The following PCGF6 variants were observed in gnomAD, a reference collection of about 807,000 sequenced individuals.
PCGF6 encodes polycomb group ring finger 6.
Under a neutral mutation model 45.5 loss-of-function variants are expected in PCGF6, and 24 were observed. That is an observed-to-expected ratio of 0.53 (90% confidence interval 0.38 to 0.74). The LOEUF (loss-of-function observed/expected upper bound fraction) is 0.74. Among genes scored for constraint, PCGF6 ranks in the 30% least tolerant of loss-of-function variants. PCGF6 has a pLI of 0.00. For synonymous variants in PCGF6, 152 were observed against 162.1 expected, an observed-to-expected ratio of 0.94 and a Z score of 0.47; for missense variants, 356 against 443.2, an observed-to-expected ratio of 0.80 and a Z score of 1.77.
chr10:103,335,723 T>C (rs1282218346), intron 6 of PCGF6, among the ~76,000 whole-genome samples: 6 of 151,608 alleles, frequency 4.0e-5, no homozygotes, highest in African/African-American at 1.2e-4. Context: ...ATCCCAGCAC[T>C]TTGGGAGGCC....
chr10:103,309,200 G>GT (rs1200189934), intron 9 of PCGF6, among the ~76,000 whole-genome samples: 1 of 152,066 alleles, frequency 6.6e-6, no homozygotes, highest in East Asian at 1.9e-4. Flanking sequence ...ATTTGGTGGG[G>GT]GGGGGGCATG....
intron 8 of PCGF6, among the ~76,000 whole-genome samples, chr10:103,323,787 G>A (rs575037875): frequency 1.1e-4 from 16 of 151,492 alleles, no homozygotes; most frequent in South Asian, 2.1e-4. Flanking sequence ...GTTTCGCCAC[G>A]TTGGCCAGAC....
intron 7 of PCGF6, among the ~76,000 whole-genome samples, chr10:103,327,271 G>A (rs563440020): frequency 1.3e-5 from 2 of 151,942 alleles, no homozygotes; most frequent in African/African-American, 2.4e-5. Context: ...GGCAACAAGA[G>A]CAAAACTCCG....
At chr10:103,314,383 AT>A in intron 8 of PCGF6, 111 bp from the exon 9 acceptor site, 1 of 651,154 alleles carries the variant, frequency 1.5e-6, no homozygotes, top group Non-Finnish European at 2.6e-6. Flanking sequence ...TTGTAATTTT[AT>A]TTTAGACTGA....
intron 8 of PCGF6, among the ~76,000 whole-genome samples, chr10:103,317,356 T>C (rs2093179811): frequency 6.6e-6 from 1 of 152,184 alleles, no homozygotes; most frequent in Non-Finnish European, 1.5e-5. Context: ...TCACTCTTAG[T>C]GGGCTTTATA....
At chr10:103,334,510 C>G (rs1370995155) in intron 6 of PCGF6, among the ~76,000 whole-genome samples, 1 of 152,094 alleles carries the variant, frequency 6.6e-6, no homozygotes, top group Non-Finnish European at 1.5e-5. Flanking sequence ...ATTTAGCATC[C>G]TAACATTTTA....
At chr10:103,332,688 C>T (rs1285018302) in intron 7 of PCGF6, among the ~76,000 whole-genome samples, 3 of 152,140 alleles carry the variant, frequency 2.0e-5, no homozygotes, top group Non-Finnish European at 2.9e-5. Flanking sequence ...TAGCATATAT[C>T]CTGGTGCTTA....
intron 8 of PCGF6, among the ~76,000 whole-genome samples, chr10:103,324,184 C>T (rs1189607566): frequency 2.0e-5 from 3 of 151,986 alleles, no homozygotes; most frequent in Non-Finnish European, 4.4e-5. Context: ...AATGATCCAC[C>T]TGCCTTGGCC....
chr10:103,350,588 G>T, intron 1 of PCGF6, 119 bp downstream of exon 1: 1 of 1,052,844 alleles, frequency 9.5e-7, no homozygotes, highest in Non-Finnish European at 1.3e-6. Context: ...GGGGAGGTCC[G>T]CTCCAGTGCT....
At chr10:103,308,283 A>G (rs949894210) in intron 9 of PCGF6, among the ~76,000 whole-genome samples, 1 of 152,158 alleles carries the variant, frequency 6.6e-6, no homozygotes, top group African/African-American at 2.4e-5. Flanking sequence ...TCGTGAGAGA[A>G]GCCATGGGGG....
At chr10:103,319,133 G>A (rs2093187266) in intron 8 of PCGF6, among the ~76,000 whole-genome samples, 1 of 152,090 alleles carries the variant, frequency 6.6e-6, no homozygotes. Flanking sequence ...AAGCCACACT[G>A]GCTCATTCCT....
At chr10:103,331,963 T>G (rs1362809368) in intron 7 of PCGF6, among the ~76,000 whole-genome samples, 2 of 151,908 alleles carry the variant, frequency 1.3e-5, no homozygotes, top group Non-Finnish European at 2.9e-5. Flanking sequence ...TGGCTAATTT[T>G]TTTTGTATTT....
intron 6 of PCGF6, among the ~76,000 whole-genome samples, chr10:103,343,751 T>C (rs1381930966): frequency 1.5e-5 from 2 of 137,714 alleles, no homozygotes; most frequent in African/African-American, 2.7e-5. Context: ...GAGAATCCCC[T>C]GAACCTGGGA....
intron 8 of PCGF6, among the ~76,000 whole-genome samples, chr10:103,317,324 ATATT>A (rs1331066591): frequency 1.3e-5 from 2 of 152,066 alleles, no homozygotes; most frequent in Non-Finnish European, 2.9e-5. Context: ...GTTTCATTAA[ATATT>A]TAGCAATCCA....
intron 8 of PCGF6, among the ~76,000 whole-genome samples, chr10:103,324,697 T>C (rs1401658473): frequency 7.0e-5 from 10 of 143,774 alleles, no homozygotes; most frequent in African/African-American, 2.6e-5. Flanking sequence ...GAGGCGGAGG[T>C]TGCAGTGAGC....
chr10:103,349,635 C>A (rs1004387463), intron 1 of PCGF6, among the ~76,000 whole-genome samples: 3 of 150,836 alleles, frequency 2.0e-5, no homozygotes, highest in Non-Finnish European at 4.4e-5. Flanking sequence ...CGCGTGCCAC[C>A]ACGCCCCGCT....
chr10:103,336,059 AG>A (rs1298377904), intron 6 of PCGF6, among the ~76,000 whole-genome samples: 5 of 150,930 alleles, frequency 3.3e-5, no homozygotes, highest in Non-Finnish European at 7.4e-5. Flanking sequence ...TGAGCTCAGG[AG>A]CTCGAGACCA....
chr10:103,303,852 G>A lies in PCGF6; in HGVS notation c.*53C>T. 7.0e-7 allele frequency: 1 copy of A among 1,438,162 alleles called. No homozygotes were observed. Among genetic ancestry groups the A allele is most frequent in the Non-Finnish European group, 9.7e-7 (1 of 1,029,130 alleles). 89.1% of individuals were successfully genotyped at this position (1,438,162 alleles called of 1,614,324 possible). On this transcript the variant is annotated 3_prime_UTR_variant, in exon 10 of 10. Coordinates refer to ENST00000369847, the MANE Select transcript of PCGF6 (RefSeq NM_001011663.2). ...ATTTCATGGAAATCTTTGGTGAGAT[G>A]CAGTCCTGCAGAAGCCTCCTTTGTT...
At chr10:103,331,748 T>A (rs1310160175) in intron 7 of PCGF6, among the ~76,000 whole-genome samples, 1 of 152,230 alleles carries the variant, frequency 6.6e-6, no homozygotes, top group African/African-American at 2.4e-5. Context: ...AGTTTTCCAC[T>A]ATCTTGATCT....
Sources: gnomAD v4.1 joint callset for allele counts (sites outside exome capture counted in the v4.1 genomes callset) on GRCh38, gnomAD v4.1.1 for gene constraint, MANE v1.5 for transcripts, NCBI Gene and HGNC (gene_info 2026-07-23, HGNC 2026-07-21) for gene names.